Variants in ZNF37A observed in about 807,000 individuals in gnomAD.
The protein encoded by ZNF37A is zinc finger protein 37A, also known as zinc finger protein 37a (KOX 21).
Under a neutral mutation model 12.3 loss-of-function variants are expected in ZNF37A, and 10 were observed. The ratio of observed to expected loss-of-function variants is 0.82; its 90% CI spans 0.50 to 1.38. ZNF37A has a LOEUF of 1.38. Among genes scored for constraint, ZNF37A ranks in the 40% most tolerant of loss-of-function variants. The pLI, the probability that ZNF37A is intolerant of heterozygous loss-of-function variation, is 0.00. For missense variants in ZNF37A, 580 were observed against 651.2 expected (o/e 0.89, Z 1.19); for synonymous variants, 207 against 223.0 (o/e 0.93, Z 0.64).
In ZNF37A at chr10:38,119,299, A is replaced by G; in HGVS notation, c.*462A>G. The G allele has an allele frequency of 9.6e-7, 1 of 1,041,932 alleles. No homozygotes were observed. The highest frequency in any genetic ancestry group is 1.2e-6 in the Non-Finnish European group (1 of 852,916). 64.5% of individuals were successfully genotyped at this position (1,041,932 alleles called of 1,614,324 possible). A position where few individuals can be genotyped will look rare whatever the true frequency, so the allele number is the denominator to read the frequency against. ...TCACCACAGAACTCATATAAGACAGAAACCCTATGGGTGTAATGAATGTGG... is the reference window on the plus strand; with the variant it reads ...TCACCACAGAACTCATATAAGACAGGAACCCTATGGGTGTAATGAATGTGG... On this transcript the variant is annotated 3_prime_UTR_variant, in exon 8 of 8. Transcript: ENST00000685332.
rs901484299 is a variant in ZNF37A, at chr10:38,123,888, A to C, written c.*5051A>C. The C allele has an allele frequency of 1.3e-5, 2 of 152,190 alleles. No homozygotes were observed. Among genetic ancestry groups the C allele is most frequent in the African/African-American group, 4.8e-5 (2 of 41,454 alleles). The allele number at this position is 152,190 out of a possible 1,614,324, so 9.4% of individuals were successfully genotyped here. A position where few individuals can be genotyped will look rare whatever the true frequency, so the allele number is the denominator to read the frequency against. ...AAAGGGAAACCTCGTGCACTGTGGA[A>C]ATGTTATTAGTACAACCACTATGGA... On this transcript the variant is annotated 3_prime_UTR_variant, in exon 8 of 8. Coordinates refer to ENST00000685332, the MANE Select transcript of ZNF37A (RefSeq NM_001324250.3).
At chr10:38,145,453 C>A (rs1180235200) in intron 7 of ZNF37A, among the ~76,000 whole-genome samples, 1 of 152,128 alleles carries the variant, frequency 6.6e-6, no homozygotes, top group African/African-American at 2.4e-5. Flanking sequence ...TCTTGCCAGG[C>A]ATTTTATACT....
rs183414914 is a variant in ZNF37A, at chr10:38,111,379, G to A, written c.16-3376G>A. Among the ~76,000 whole-genome samples the A allele has an allele frequency of 8.0e-4, 122 of 152,062 alleles. 3 individuals carry two copies. Among genetic ancestry groups the A allele is most frequent in the Admixed American group, 2.6e-4 (4 of 15,278 alleles). ...GATAGCATTAGGAGAAATACCTTAT[G>A]TAGATGATGGGTTGATGGGTGCAGC... is the stretch of plus-strand genomic sequence containing the variant. On this transcript the variant is annotated intron_variant, in intron 5 of 7. Coordinates refer to ENST00000685332, the MANE Select transcript of ZNF37A (RefSeq NM_001324250.3).
intron 7 of ZNF37A, chr10:38,146,690 C>A (rs2070259304): frequency 2.5e-6 from 1 of 398,072 alleles, no homozygotes. Flanking sequence ...TGGCCAGGTT[C>A]CAGGCCTACA....
chr10:38,130,618 G>T (rs569926175), intron 7 of ZNF37A, among the ~76,000 whole-genome samples: 1 of 151,814 alleles, frequency 6.6e-6, no homozygotes, highest in African/African-American at 2.4e-5. Flanking sequence ...GCACCACCAT[G>T]CCCAGCTAAG....
intron 5 of ZNF37A, among the ~76,000 whole-genome samples, chr10:38,112,737 T>TGGTCTTGGTCTTGGTCTCGG (rs1564931757): frequency 1.4e-5 from 1 of 72,004 alleles, no homozygotes; most frequent in Non-Finnish European, 2.9e-5. Context: ...TCCATTTTCT[T>TGGTCTTGGTCTTGGTCTCGG]TTCTTTTCTT....
chr10:38,127,282 A>G (rs1232829894), downstream of ZNF37A, among the ~76,000 whole-genome samples: 1 of 152,154 alleles, frequency 6.6e-6, no homozygotes, highest in African/African-American at 2.4e-5. Context: ...ATCCTTTAAA[A>G]ATCAGTAAGG....
rs754351145 is a variant in ZNF37A, at chr10:38,114,736, C to G, written c.16-19C>G. On this transcript the variant is annotated intron_variant, in intron 5 of 7. Transcript: ENST00000685332. Reference sequence around the variant, plus strand: ...CTGATTCTTATCACTTCAGACTGAGCAAAATTGTGATTTTCCAGGGATCAG... The same window carrying G: ...CTGATTCTTATCACTTCAGACTGAGGAAAATTGTGATTTTCCAGGGATCAG... The G allele has an allele frequency of 1.9e-6, 3 of 1,613,924 alleles. No individual in the cohort carries two copies. Among genetic ancestry groups the G allele is most frequent in the Non-Finnish European group, 2.5e-6 (3 of 1,179,928 alleles).
At chr10:38,149,969 G>A (rs1436777464) in exon 8 of ZNF37A, 3 of 152,134 alleles carry the variant, frequency 2.0e-5, no homozygotes, top group East Asian at 1.9e-4. Flanking sequence ...TATTCTTTGC[G>A]TTATGTCCAG....
Position 38,118,529 on chromosome 10 carries a change from AGAC to A in ZNF37A, c.1379_1381del (p.Arg460_His461delinsAsn). 1 of 1,614,128 alleles carries A rather than the reference AGAC, an allele frequency of 6.2e-7. No homozygotes were observed. Among genetic ancestry groups the A allele is most frequent in the Admixed American group, 1.7e-5 (1 of 59,966 alleles). ...CTCCGGTTTCACAGAACATCTGAGA[AGAC>A]ACACAGGGGAGAAACCTTTTGGATG... On this transcript the variant is annotated inframe_deletion, in exon 8 of 8. Transcript: ENST00000685332.
chr10:38,146,082 A>G (rs2070249626), intron 7 of ZNF37A, among the ~76,000 whole-genome samples: 1 of 152,240 alleles, frequency 6.6e-6, no homozygotes, highest in Admixed American at 6.5e-5. Context: ...CCTGGGCAAC[A>G]GAGTGAGATT....
At chr10:38,127,148 A>T (rs1280209676), downstream of ZNF37A, among the ~76,000 whole-genome samples, 1 of 152,196 alleles carries the variant, frequency 6.6e-6, no homozygotes, top group Non-Finnish European at 1.5e-5. Context: ...AGAAACTGGG[A>T]AAGGCTGATA....
rs2069458433 is a variant in ZNF37A at position 38,118,345 on chromosome 10, C to T, written c.1194C>T (p.Leu398=). ...CGKAFLRKSD[L]IKHQRIHTGE... ...AAGCCTTTCTCAGAAAATCAGACCT[C>T]ATTAAACATCAAAGAATACACACAG... Residue 398 remains leucine (L), a synonymous_variant, in exon 8 of 8, where the codon CTC becomes CTT. Transcript: ENST00000685332. 1.2e-6 allele frequency: 2 copies of T among 1,612,098 alleles called. No individual in the cohort carries two copies. The highest frequency in any genetic ancestry group is 1.7e-4 in the Middle Eastern group (1 of 6,042).
At position 38,120,099 on chromosome 10, in the gene ZNF37A, G is replaced by C. The variant is rs1413417181; in HGVS notation, c.*1262G>C. 6.6e-6 allele frequency: 1 copy of C among 152,120 alleles called. No homozygotes were observed. Among genetic ancestry groups the C allele is most frequent in the Non-Finnish European group, 1.5e-5 (1 of 68,030 alleles). 9.4% of individuals were successfully genotyped at this position (152,120 alleles called of 1,614,324 possible). On this transcript the variant is annotated 3_prime_UTR_variant, in exon 8 of 8. Coordinates refer to ENST00000685332, the MANE Select transcript of ZNF37A (RefSeq NM_001324250.3). The stretch of plus-strand genomic sequence containing the variant: ...CATAGGTGATACAACTTTTTAAAAT[G>C]TATGTGTAGATATAACTTAAATATG...
At chr10:38,115,142 C>T in intron 6 of ZNF37A, 53 bp from the exon 7 acceptor site, 1 of 1,575,836 alleles carries the variant, frequency 6.3e-7, no homozygotes, top group Non-Finnish European at 8.6e-7. Flanking sequence ...CTGTCTTCCT[C>T]CTTCAGGAAA....
intron 5 of ZNF37A, among the ~76,000 whole-genome samples, chr10:38,100,716 A>G (rs531820074): frequency 6.6e-6 from 1 of 152,292 alleles, no homozygotes; most frequent in South Asian, 2.1e-4. Context: ...AGTTAATGCA[A>G]TTATCACATG....
At chr10:38,112,019 C>G (rs370579456) in intron 5 of ZNF37A, among the ~76,000 whole-genome samples, 1 of 150,546 alleles carries the variant, frequency 6.6e-6, no homozygotes, top group Non-Finnish European at 1.5e-5. Context: ...TTTGCAGTCT[C>G]TATTTTAATT....
chr10:38,128,571 A>G (rs965253767), downstream of ZNF37A, among the ~76,000 whole-genome samples: 4 of 152,188 alleles, frequency 2.6e-5, no homozygotes, highest in African/African-American at 9.6e-5. Context: ...TGGATCAGGA[A>G]CTAAAATTTA....
Position 38,117,754 on chromosome 10 carries a change from T to G in ZNF37A, c.603T>G (p.Tyr201Ter). 1 of 1,614,000 alleles carries G rather than the reference T, an allele frequency of 6.2e-7. No homozygotes were observed. The highest frequency in any genetic ancestry group is 8.5e-7 in the Non-Finnish European group (1 of 1,179,988). ...HQQTHPRENHYGNECGENIFE... is the reference protein window; with the variant it reads ...HQQTHPRENH ...AAACACATCCAAGAGAAAACCACTA[T>G]GGTAATGAATGTGGAGAAAATATCT... Residue 201 changes from tyrosine to a stop codon, truncating the protein, a stop_gained, in exon 8 of 8, where the codon TAT becomes TAG. Transcript: ENST00000685332. LOFTEE classifies it low-confidence loss of function (END_TRUNC).
Sources: allele counts gnomAD v4.1 joint callset (sites outside exome capture counted in the v4.1 genomes callset), GRCh38; gene constraint gnomAD v4.1.1; transcripts MANE v1.5; gene names NCBI Gene and HGNC (gene_info 2026-07-23, HGNC 2026-07-21).